CAP1: variants seen among roughly 807,000 people sequenced by gnomAD.
CAP1 encodes the protein cyclase associated actin cytoskeleton regulatory protein 1, also known as adenylyl cyclase-associated protein 1.
Under a neutral mutation model 58.2 loss-of-function variants are expected in CAP1, and 11 were observed. That is an observed-to-expected ratio of 0.19 (90% CI 0.12 to 0.31). CAP1 has a LOEUF of 0.31. Ranked by LOEUF, CAP1 falls within the 10% of genes least tolerant of loss-of-function variation. The probability of loss-of-function intolerance (pLI) is 1.00; values close to 1 mark genes in which losing one functional copy is unlikely to be tolerated. For missense variants in CAP1, 423 were observed against 587.5 expected (o/e 0.72, Z 2.89); for synonymous variants, 183 against 213.8 (o/e 0.86, Z 1.26).
Position 40,064,477 on chromosome 1 carries a change from C to T in CAP1, c.442C>T (p.Pro148Ser). 1 of 1,613,584 alleles carries T rather than the reference C, an allele frequency of 6.2e-7. No homozygotes were observed. Among genetic ancestry groups the T allele is most frequent in the Non-Finnish European group, 8.5e-7 (1 of 1,179,512 alleles). The change falls in exon 6 of 13, where the codon CCC (proline) becomes TCC (serine). Residue 148 changes from proline (P) to serine (S), a missense_variant. Pro to Ser is a moderately conservative substitution (Grantham distance 74). Coordinates refer to ENST00000372805, the MANE Select transcript of CAP1 (RefSeq NM_006367.4). ...IQALGWVAMA[P>S]KPGPYVKEMN... The stretch of plus-strand genomic sequence containing the variant: ...CTGACAGCTTGTCTCTCTCTAGGCT[C>T]CCAAGCCTGGCCCTTATGTGAAAGA...
Position 40,070,486 on chromosome 1 carries a change from A to G in CAP1, c.1174A>G (p.Ile392Val). The stretch of plus-strand genomic sequence containing the variant: ...TGACGTGGTGGGCATTGTGGAGATA[A>G]TCAACAGTAAGGATGTCAAAGTTCA... ...FDDVVGIVEI[I>V]NSKDVKVQVM... Residue 392 changes from isoleucine (I) to valine (V), a missense_variant, in exon 11 of 13, where the codon ATC becomes GTC. Physicochemically the swap from Ile to Val is conservative, Grantham distance 29 (BLOSUM62 3). Coordinates refer to ENST00000372805, the MANE Select transcript of CAP1 (RefSeq NM_006367.4). The G allele has an allele frequency of 1.2e-6, 2 of 1,614,050 alleles. No individual in the cohort carries two copies. The highest frequency in any genetic ancestry group is 1.7e-6 in the Non-Finnish European group (2 of 1,179,918).
rs372747292 is a variant in CAP1 at position 40,060,168 on chromosome 1, C to A, written c.214C>A (p.His72Asn). ...SKEIGGDVQK[H>N]AEMVHTGLKL... The stretch of plus-strand genomic sequence containing the variant: ...AGAGATTGGGGGAGACGTGCAGAAA[C>A]ATGTAAGGATGTTTTGCCTTTTTCC... Residue 72 changes from histidine to asparagine, a missense_variant and splice_region_variant, in exon 3 of 13, where the codon CAT becomes AAT. Physicochemically the swap from His to Asn is moderately conservative, Grantham distance 68. Coordinates refer to ENST00000372805, the MANE Select transcript of CAP1 (RefSeq NM_006367.4). 5 of 1,611,268 alleles carry A rather than the reference C, an allele frequency of 3.1e-6. No individual in the cohort carries two copies. Among genetic ancestry groups the A allele is most frequent in the African/African-American group, 2.7e-5 (2 of 74,834 alleles).
chr1:40,069,737 C>T lies in CAP1; in HGVS notation c.856C>T (p.Leu286=), dbSNP rs1279764104. Residue 286 remains leucine (L), a synonymous_variant, in exon 9 of 13, where the codon CTG becomes TTG. Coordinates refer to ENST00000372805, the MANE Select transcript of CAP1 (RefSeq NM_006367.4). The part of the protein sequence containing the change: ...DDMKTHKNPA[L]KAQSGPVRSG... ...CATGAAGACTCACAAGAACCCTGCC[C>T]TGAAGGCTCAGAGTGGTCCAGTACG... The T allele has an allele frequency of 6.2e-7, 1 of 1,613,890 alleles. No homozygotes were observed. Among genetic ancestry groups the T allele is most frequent in the Admixed American group, 1.7e-5 (1 of 59,974 alleles).
intron 4 of CAP1, among the ~76,000 whole-genome samples, chr1:40,062,997 A>T (rs1157773136): frequency 2.6e-5 from 4 of 151,370 alleles, no homozygotes; most frequent in Non-Finnish European, 5.9e-5. Context: ...ATTTATGTTT[A>T]AAAAAAAATT....
At chr1:40,063,606 G>T (rs1458765808) in intron 4 of CAP1, among the ~76,000 whole-genome samples, 1 of 152,234 alleles carries the variant, frequency 6.6e-6, no homozygotes, top group African/African-American at 2.4e-5. Flanking sequence ...GGGTCACCAT[G>T]CCCAGACTAA....
At chr1:40,051,791 G>C (rs1310843084) in intron 1 of CAP1, among the ~76,000 whole-genome samples, 1 of 151,996 alleles carries the variant, frequency 6.6e-6, no homozygotes, top group South Asian at 2.1e-4. Flanking sequence ...GGATGGTCTC[G>C]ATCTCCTGAC....
At chr1:40,048,220 T>G (rs1035766698) in intron 1 of CAP1, among the ~76,000 whole-genome samples, 1 of 152,158 alleles carries the variant, frequency 6.6e-6, no homozygotes, top group African/African-American at 2.4e-5. Context: ...TTTTTGTATT[T>G]TTAGTAGAGA....
intron 9 of CAP1, 27 bp downstream of exon 9, chr1:40,069,901 CA>C (rs1378649552): frequency 6.6e-7 from 1 of 1,513,494 alleles, no homozygotes; most frequent in Non-Finnish European, 8.8e-7. Flanking sequence ...TAGACAGGGG[CA>C]GGTATTTTTA....
intron 1 of CAP1, among the ~76,000 whole-genome samples, chr1:40,056,757 C>T (rs192115768): frequency 4.6e-5 from 7 of 152,008 alleles, no homozygotes; most frequent in Admixed American, 3.3e-4. Flanking sequence ...ACATGACCAC[C>T]GGAAGAATGT....
intron 1 of CAP1, among the ~76,000 whole-genome samples, chr1:40,044,683 G>T (rs531039069): frequency 2.6e-5 from 4 of 151,490 alleles, no homozygotes; most frequent in South Asian, 2.1e-4. Flanking sequence ...TTAGAAAGTC[G>T]TGAACTAGCA....
intron 1 of CAP1, 77 bp from the exon 2 acceptor site, chr1:40,059,260 C>CA: frequency 1.2e-6 from 1 of 801,838 alleles, no homozygotes; most frequent in Non-Finnish European, 2.1e-6. Context: ...TGGGGATGAC[C>CA]AGGAATTTTC....
At chr1:40,071,049 A>C in intron 12 of CAP1, 70 bp downstream of exon 12, 2 of 1,435,784 alleles carry the variant, frequency 1.4e-6, no homozygotes, top group Non-Finnish European at 1.9e-6. Context: ...CATTGAAGAA[A>C]GCTATTTTAT....
intron 1 of CAP1, among the ~76,000 whole-genome samples, chr1:40,041,726 C>T (rs1020829584): frequency 2.6e-5 from 4 of 152,188 alleles, no homozygotes; most frequent in African/African-American, 9.7e-5. Flanking sequence ...AATGTAGACC[C>T]TGCCCGCGTG....
intron 1 of CAP1, among the ~76,000 whole-genome samples, chr1:40,057,720 A>C (rs1646678295): frequency 6.6e-6 from 1 of 152,184 alleles, no homozygotes; most frequent in Non-Finnish European, 1.5e-5. Context: ...GGGAATCATA[A>C]TTGCTGTTGT....
intron 4 of CAP1, among the ~76,000 whole-genome samples, chr1:40,063,384 C>G (rs577414088): frequency 6.6e-6 from 1 of 152,078 alleles, no homozygotes; most frequent in South Asian, 2.1e-4. Flanking sequence ...CCCATGTTGC[C>G]CAGGCTGATC....
chr1:40,062,080 A>C (rs1409531078), intron 4 of CAP1, among the ~76,000 whole-genome samples: 2 of 152,120 alleles, frequency 1.3e-5, no homozygotes, highest in Non-Finnish European at 2.9e-5. Context: ...CTCTTTGCTG[A>C]GTCCACATTC....
chr1:40,065,290 C>T (rs1348297904), intron 6 of CAP1, among the ~76,000 whole-genome samples: 1 of 152,214 alleles, frequency 6.6e-6, no homozygotes, highest in African/African-American at 2.4e-5. Flanking sequence ...TTACGTAGGG[C>T]AGTCATTGCA....
At chr1:40,061,836 C>A in intron 4 of CAP1, 24 bp downstream of exon 4, 1 of 1,588,140 alleles carries the variant, frequency 6.3e-7, no homozygotes, top group East Asian at 2.2e-5. Flanking sequence ...TAGCTGGTTT[C>A]ATTTTGGTTT....
intron 1 of CAP1, among the ~76,000 whole-genome samples, chr1:40,056,109 A>G (rs1557682507): frequency 6.6e-6 from 1 of 152,162 alleles, no homozygotes; most frequent in Non-Finnish European, 1.5e-5. Context: ...TCAAACCTCC[A>G]ATCTCTCTGA....
Sources: allele counts gnomAD v4.1 joint callset (sites outside exome capture counted in the v4.1 genomes callset), GRCh38; gene constraint gnomAD v4.1.1; transcripts MANE v1.5; gene names NCBI Gene and HGNC (gene_info 2026-07-23, HGNC 2026-07-21).